HNF4G: variants seen among roughly 807,000 people sequenced by gnomAD.
HNF4G encodes hepatocyte nuclear factor 4 gamma, also known as hepatocyte nuclear factor 4-gamma.
In HNF4G, 21 loss-of-function variants were observed where a neutral mutation model predicts 50.9. That is an observed-to-expected ratio of 0.41 (90% CI 0.29 to 0.59). The LOEUF (loss-of-function observed/expected upper bound fraction) is 0.59, where lower values mean the gene tolerates loss of function less well. Among genes scored for constraint, HNF4G ranks in the 20% least tolerant of loss-of-function variants. HNF4G has a pLI of 0.26. For missense variants in HNF4G, 527 were observed against 559.4 expected, an observed-to-expected ratio of 0.94 and a Z score of 0.58; for synonymous variants, 198 against 185.6, an observed-to-expected ratio of 1.07 and a Z score of -0.54.
intron 5 of HNF4G, among the ~76,000 whole-genome samples, chr8:75,555,526 G>A (rs974512878): frequency 1.3e-5 from 2 of 152,006 alleles, no homozygotes; most frequent in African/African-American, 4.8e-5. Flanking sequence ...AGGAGATTAT[G>A]TTTTATATAT....
At chr8:75,433,446 A>G (rs74596876) in intron 1 of HNF4G, among the ~76,000 whole-genome samples, 1 of 151,590 alleles carries the variant, frequency 6.6e-6, no homozygotes, top group African/African-American at 2.4e-5. Context: ...AAACTTTAAG[A>G]TCAATTTTAA....
At chr8:75,509,854 A>G (rs773617396) in intron 2 of HNF4G, among the ~76,000 whole-genome samples, 43 of 152,246 alleles carry the variant, frequency 2.8e-4, no homozygotes, top group Non-Finnish European at 4.0e-4. Flanking sequence ...AATTAGGTAC[A>G]GTGCCTAACA....
At chr8:75,516,708 T>C (rs1805897420) in intron 2 of HNF4G, among the ~76,000 whole-genome samples, 1 of 152,212 alleles carries the variant, frequency 6.6e-6, no homozygotes, top group South Asian at 2.1e-4. Flanking sequence ...GATTTATGAA[T>C]TTTTGCTTCA....
At chr8:75,553,341 T>C in intron 5 of HNF4G, 144 bp downstream of exon 5, 2 of 666,440 alleles carry the variant, frequency 3.0e-6, no homozygotes, top group Non-Finnish European at 4.9e-6. Context: ...TGGGTTTCCT[T>C]ACCCATTCAC....
chr8:75,440,900 C>G (rs866384542), intron 1 of HNF4G, among the ~76,000 whole-genome samples: 11 of 151,958 alleles, frequency 7.2e-5, no homozygotes, highest in South Asian at 4.2e-4. Context: ...CTATATTGCC[C>G]AGGCTGGAGT....
intron 1 of HNF4G, among the ~76,000 whole-genome samples, chr8:75,425,731 T>C (rs1810877768): frequency 6.6e-6 from 1 of 151,912 alleles, no homozygotes; most frequent in African/African-American, 2.4e-5. Context: ...TCTTGCTGTG[T>C]ATTTTTCTGT....
chr8:75,461,928 A>AT (rs1554571758), intron 1 of HNF4G, among the ~76,000 whole-genome samples: 21 of 40,020 alleles, frequency 5.2e-4, no homozygotes, highest in Non-Finnish European at 9.4e-4. Context: ...ATATATATAT[A>AT]TTTTTTTAGA....
intron 1 of HNF4G, among the ~76,000 whole-genome samples, chr8:75,420,065 T>TA (rs371817715): frequency 4.2e-4 from 63 of 148,742 alleles, no homozygotes; most frequent in East Asian, 9.8e-4. Context: ...AGAACTAGGT[T>TA]AAAAAAAAAA....
intron 1 of HNF4G, among the ~76,000 whole-genome samples, chr8:75,440,231 A>G (rs992120332): frequency 5.3e-5 from 8 of 152,194 alleles, no homozygotes; most frequent in African/African-American, 1.9e-4. Flanking sequence ...ATATTTTTGC[A>G]TTCATCCAGT....
intron 5 of HNF4G, among the ~76,000 whole-genome samples, chr8:75,554,906 G>A (rs796142663): frequency 6.6e-6 from 1 of 152,158 alleles, no homozygotes; most frequent in South Asian, 2.1e-4. Flanking sequence ...AAGGGGCCAA[G>A]CCCAGGAGAA....
chr8:75,426,746 G>T (rs1002352815), intron 1 of HNF4G, among the ~76,000 whole-genome samples: 1 of 152,108 alleles, frequency 6.6e-6, no homozygotes, highest in East Asian at 1.9e-4. Context: ...GAGGATAAAA[G>T]GTTGTTTAGT....
At chr8:75,531,042 C>T (rs918333581) in intron 2 of HNF4G, among the ~76,000 whole-genome samples, 15 of 152,062 alleles carry the variant, frequency 9.9e-5, no homozygotes, top group African/African-American at 3.1e-4. Flanking sequence ...GATCCATCCG[C>T]CTTGGCCTCC....
chr8:75,503,165 A>G (rs1812976468), intron 2 of HNF4G, among the ~76,000 whole-genome samples: 1 of 152,186 alleles, frequency 6.6e-6, no homozygotes, highest in Non-Finnish European at 1.5e-5. Context: ...GTGGTAAAGG[A>G]AAGCACTAGT....
intron 1 of HNF4G, among the ~76,000 whole-genome samples, chr8:75,418,944 C>T (rs2130483303): frequency 6.6e-6 from 1 of 152,124 alleles, no homozygotes; most frequent in African/African-American, 2.4e-5. Flanking sequence ...CCACACCGAC[C>T]TCGAATTCCT....
At chr8:75,517,512 G>A (rs370751475) in intron 2 of HNF4G, among the ~76,000 whole-genome samples, 22 of 152,098 alleles carry the variant, frequency 1.4e-4, no homozygotes, top group African/African-American at 2.7e-4. Flanking sequence ...GGAAAAATTG[G>A]CCAAAATAAA....
chr8:75,422,145 G>C (rs1188989122), intron 1 of HNF4G, among the ~76,000 whole-genome samples: 1 of 152,148 alleles, frequency 6.6e-6, no homozygotes, highest in Non-Finnish European at 1.5e-5. Context: ...TACTTATGCT[G>C]TGAGGGGCGG....
At chr8:75,450,286 G>T (rs1490915328) in intron 1 of HNF4G, among the ~76,000 whole-genome samples, 2 of 152,066 alleles carry the variant, frequency 1.3e-5, no homozygotes, top group African/African-American at 2.4e-5. Flanking sequence ...ACATGTCTTG[G>T]CTATTGTGAA....
chr8:75,498,859 A>T (rs1812850865), intron 2 of HNF4G, among the ~76,000 whole-genome samples: 1 of 152,086 alleles, frequency 6.6e-6, no homozygotes, highest in Non-Finnish European at 1.5e-5. Context: ...TTAAGAAACA[A>T]CACTTAAAAA....
chr8:75,513,974 G>GA (rs1455759876), intron 2 of HNF4G, among the ~76,000 whole-genome samples: 2 of 152,042 alleles, frequency 1.3e-5, no homozygotes, highest in African/African-American at 4.8e-5. Context: ...ATTGTCAGAT[G>GA]AAGGCTTCTG....
Sources: allele counts gnomAD v4.1 joint callset (sites outside exome capture counted in the v4.1 genomes callset), GRCh38; gene constraint gnomAD v4.1.1; transcripts MANE v1.5; gene names NCBI Gene and HGNC (gene_info 2026-07-23, HGNC 2026-07-21).